BBS7: variants seen among roughly 807,000 people sequenced by gnomAD.
The protein encoded by BBS7 is BBSome complex member BBS7.
A neutral mutation model predicts 90.3 loss-of-function variants in BBS7; 50 were observed. The ratio of observed to expected loss-of-function variants is 0.55; its 90% CI spans 0.44 to 0.70. BBS7 has a LOEUF of 0.70. Among genes scored for constraint, BBS7 ranks in the 30% least tolerant of loss-of-function variants. BBS7 has a pLI of 0.00. For synonymous variants in BBS7, 235 were observed against 287.4 expected (o/e 0.82, Z 1.85); for missense variants, 729 against 838.9 (o/e 0.87, Z 1.62).
At position 121,828,661 on chromosome 4, in the gene BBS7, T is replaced by C. The variant is rs1725023571; in HGVS notation, c.1744A>G (p.Lys582Glu). ...TISILKDVLS[K>E]EATKRKINLN... ...TTAATTTTCCTTTTTGTAGCTTCTT[T>C]AGAAAGCACATCTTTTAGGATGGAG... The change falls in exon 16 of 19, where the codon AAA (lysine) becomes GAA (glutamate). Residue 582 changes from lysine to glutamate, a missense_variant. Coordinates refer to ENST00000264499, the MANE Select transcript of BBS7 (RefSeq NM_176824.3). 1.2e-6 allele frequency: 2 copies of C among 1,610,300 alleles called. No individual in the cohort carries two copies. Among genetic ancestry groups the C allele is most frequent in the Admixed American group, 3.3e-5 (2 of 59,942 alleles).
chr4:121,850,055 A>C (rs777440753), intron 8 of BBS7, among the ~76,000 whole-genome samples: 69 of 152,192 alleles, frequency 4.5e-4, no homozygotes, highest in Non-Finnish European at 8.2e-4. Flanking sequence ...TCTTTTAAGC[A>C]GTACTTTCCA....
intron 15 of BBS7, among the ~76,000 whole-genome samples, chr4:121,831,480 T>C (rs529380774): frequency 4.0e-5 from 6 of 151,150 alleles, no homozygotes; most frequent in Admixed American, 6.6e-5. Flanking sequence ...AAAAAGTAGC[T>C]ATTAAGTTGG....
chr4:121,835,685 A>AG (rs1560644359), intron 13 of BBS7, among the ~76,000 whole-genome samples: 2 of 152,168 alleles, frequency 1.3e-5, no homozygotes, highest in African/African-American at 4.8e-5. Flanking sequence ...AAAACAAAAA[A>AG]TAGATCTGAT....
chr4:121,837,237 G>C (rs1725505669), intron 13 of BBS7, among the ~76,000 whole-genome samples: 1 of 152,148 alleles, frequency 6.6e-6, no homozygotes, highest in African/African-American at 2.4e-5. Flanking sequence ...AAAGTGCTAA[G>C]ATTGCAGGCG....
At chr4:121,844,177 A>C (rs546497815) in intron 11 of BBS7, among the ~76,000 whole-genome samples, 176 bp from the exon 12 acceptor site, 32 of 152,332 alleles carry the variant, frequency 2.1e-4, no homozygotes, top group Middle Eastern at 3.4e-3. Flanking sequence ...TAAATATAAT[A>C]AAGAATAAAT....
intron 4 of BBS7, among the ~76,000 whole-genome samples, chr4:121,859,955 C>T (rs1726889476): frequency 6.6e-6 from 1 of 151,922 alleles, no homozygotes; most frequent in South Asian, 2.1e-4. Context: ...ATATATTTTT[C>T]ACTTCTAGGT....
At position 121,870,352 on chromosome 4, in the gene BBS7, A is replaced by G. The variant is rs1381730504; in HGVS notation, c.-39T>C. The G allele has an allele frequency of 6.2e-7, 1 of 1,613,564 alleles. No individual in the cohort carries two copies. The highest frequency in any genetic ancestry group is 2.2e-5 in the East Asian group (1 of 44,860). ...AGGGGCTAAGCAGCGCCGGACAAGA[A>G]CAGGAGGGACAGAGGCTTCGGGCCC... On this transcript the variant is annotated 5_prime_UTR_variant, in exon 1 of 19. Coordinates refer to ENST00000264499, the MANE Select transcript of BBS7 (RefSeq NM_176824.3).
chr4:121,849,045 T>TTTATGTGCAGACACTCAGA, intron 8 of BBS7, 117 bp from the exon 9 acceptor site: 1 of 750,292 alleles, frequency 1.3e-6, no homozygotes, highest in Non-Finnish European at 2.3e-6. Flanking sequence ...TTACTGAATG[T>TTTATGTGCAGACACTCAGA]TTATGTGCAG....
At chr4:121,835,035 A>C in intron 14 of BBS7, 109 bp downstream of exon 14, 1 of 1,126,084 alleles carries the variant, frequency 8.9e-7, no homozygotes, top group Non-Finnish European at 1.3e-6. Flanking sequence ...TGTTTATTTA[A>C]TTTTTAAAAG....
In BBS7 at chr4:121,861,559, T is replaced by G. The variant is rs754438760; in HGVS notation, c.286A>C (p.Arg96=). ...TCAAAGGAGAGGAACTGTTTTCCTCTTTTTGTGAAGCCTCTAATCTCAGAT... is the reference window on the plus strand; with the variant it reads ...TCAAAGGAGAGGAACTGTTTTCCTCGTTTTGTGAAGCCTCTAATCTCAGAT... ...AASEIRGFTK[R]GKQFLSFETN... is the part of the protein sequence containing the mutation. The change falls in exon 4 of 19, where the codon AGA becomes CGA. Residue 96 remains arginine, a synonymous_variant. Coordinates refer to ENST00000264499, the MANE Select transcript of BBS7 (RefSeq NM_176824.3). 1.9e-6 allele frequency: 3 copies of G among 1,613,778 alleles called. No individual in the cohort carries two copies. Among genetic ancestry groups the G allele is most frequent in the Admixed American group, 3.3e-5 (2 of 59,996 alleles).
intron 4 of BBS7, chr4:121,861,230 GATTT>G (rs1349451770): frequency 2.1e-5 from 6 of 288,080 alleles, no homozygotes; most frequent in East Asian, 8.2e-5. Context: ...TAAATATCTA[GATTT>G]ATTTTCAATT....
At chr4:121,850,537 T>C (rs1560656014) in intron 8 of BBS7, among the ~76,000 whole-genome samples, 1 of 152,186 alleles carries the variant, frequency 6.6e-6, no homozygotes. Flanking sequence ...CAATATAAAT[T>C]TTATATTACA....
intron 3 of BBS7, 81 bp from the exon 4 acceptor site, chr4:121,861,760 A>C: frequency 6.7e-7 from 1 of 1,490,380 alleles, no homozygotes; most frequent in Non-Finnish European, 9.2e-7. Flanking sequence ...AAATGTTATG[A>C]TGTTAAATTT....
At chr4:121,837,132 TTTA>T (rs1325938357) in intron 13 of BBS7, among the ~76,000 whole-genome samples, 1 of 151,864 alleles carries the variant, frequency 6.6e-6, no homozygotes, top group Non-Finnish European at 1.5e-5. Flanking sequence ...GCTAATTTTT[TTTA>T]TTGTTTCTTT....
At chr4:121,828,100 CA>C in intron 18 of BBS7, 45 bp downstream of exon 18, 1 of 1,609,400 alleles carries the variant, frequency 6.2e-7, no homozygotes, top group Non-Finnish European at 8.5e-7. Context: ...GGGAAATAGC[CA>C]GTTGAAAAGA....
At chr4:121,835,406 G>A in intron 13 of BBS7, 123 bp from the exon 14 acceptor site, 1 of 1,176,002 alleles carries the variant, frequency 8.5e-7, no homozygotes. Flanking sequence ...TAATTTAAGA[G>A]GAGTTGGAAA....
intron 13 of BBS7, among the ~76,000 whole-genome samples, chr4:121,836,390 T>A (rs1271022985): frequency 6.6e-6 from 1 of 152,208 alleles, no homozygotes; most frequent in Non-Finnish European, 1.5e-5. Flanking sequence ...ACTGGCTATA[T>A]CAGACAGGTG....
chr4:121,868,163 ATTAAT>A (rs1727387716), intron 1 of BBS7, 117 bp from the exon 2 acceptor site: 1 of 814,370 alleles, frequency 1.2e-6, no homozygotes, highest in Non-Finnish European at 2.1e-6. Context: ...ATTATCAGTA[ATTAAT>A]TTATTTTCTA....
rs113443677 is a variant in BBS7, at chr4:121,844,346, G to A, written c.1231-345C>T. On this transcript the variant is annotated intron_variant, in intron 11 of 18. Coordinates refer to ENST00000264499, the MANE Select transcript of BBS7 (RefSeq NM_176824.3). ...AAATAATCACATGGCCATTCTGATTGTATCAGTTCATTTTTATCAGTTTTA... is the reference window on the plus strand; with the variant it reads ...AAATAATCACATGGCCATTCTGATTATATCAGTTCATTTTTATCAGTTTTA... Among the ~76,000 whole-genome samples, 4 of 152,090 alleles carry A rather than the reference G, an allele frequency of 2.6e-5. No homozygotes were observed. The East Asian group carries it at 7.7e-4, about 29-fold the overall frequency.
Sources: allele counts gnomAD v4.1 joint callset (sites outside exome capture counted in the v4.1 genomes callset), GRCh38; gene constraint gnomAD v4.1.1; transcripts MANE v1.5; gene names NCBI Gene and HGNC (gene_info 2026-07-23, HGNC 2026-07-21).